The following GPHN variants were observed in gnomAD, a reference collection of about 807,000 sequenced individuals.
The protein encoded by GPHN is gephyrin.
GPHN carries 17 observed loss-of-function variants against 95.5 expected under a neutral mutation model. The observed-to-expected ratio is 0.18, with a 90% CI of 0.12 to 0.27. The LOEUF (loss-of-function observed/expected upper bound fraction) is 0.27, where lower values mean the gene tolerates loss of function less well. Among genes scored for constraint, GPHN ranks in the 10% least tolerant of loss-of-function variants. The pLI, the probability that GPHN is intolerant of heterozygous loss-of-function variation, is 1.00. For synonymous variants in GPHN, 320 were observed against 322.5 expected (o/e 0.99, Z 0.08); for missense variants, 660 against 978.1 (o/e 0.67, Z 4.34).
chr14:66,914,453 A>G (rs1390714488), intron 5 of GPHN, among the ~76,000 whole-genome samples: 1 of 152,170 alleles, frequency 6.6e-6, no homozygotes, highest in African/African-American at 2.4e-5. Flanking sequence ...TAAAATTACA[A>G]AAATCCCAGA....
At chr14:67,425,453 G>T in the GPHN span, among the ~76,000 whole-genome samples, 2 of 151,528 alleles carry the variant, frequency 1.3e-5, no homozygotes, top group African/African-American at 4.8e-5. Flanking sequence ...TGAGGTGTGA[G>T]GATTGCTTGA....
rs532971860 is a variant in GPHN, at chr14:66,525,529, G to A, written c.64+16938G>A. Among the ~76,000 whole-genome samples the A allele has an allele frequency of 1.3e-3, 202 of 152,196 alleles. 1 individual carries two copies. The highest frequency in any genetic ancestry group is 4.5e-3 in the African/African-American group (186 of 41,524). Reference sequence around the variant, plus strand: ...CCATTTGTCAATTTTGGCTTTTGTTGCCATTGCTTTTGGTGTTTTAGACAT... The same window carrying A: ...CCATTTGTCAATTTTGGCTTTTGTTACCATTGCTTTTGGTGTTTTAGACAT... On this transcript the variant is annotated intron_variant, in intron 1 of 22. Coordinates refer to ENST00000478722, the MANE Select transcript of GPHN (RefSeq NM_020806.5).
At chr14:67,687,659 T>A in the GPHN span, among the ~76,000 whole-genome samples, 1 of 151,790 alleles carries the variant, frequency 6.6e-6, no homozygotes. Flanking sequence ...TTAGTAGAGA[T>A]GGGGTTTCTC....
chr14:66,565,256 C>A (rs2060413975), intron 1 of GPHN, among the ~76,000 whole-genome samples: 1 of 151,958 alleles, frequency 6.6e-6, no homozygotes, highest in South Asian at 2.1e-4. Context: ...TCTCTTTTAG[C>A]CAGCAGTGAG....
chr14:67,557,144 T>A, the GPHN span: 2 of 686,218 alleles, frequency 2.9e-6, no homozygotes, highest in Non-Finnish European at 4.9e-6. Flanking sequence ...CAGACTGCCC[T>A]GGGTAAGGGC....
intron 10 of GPHN, among the ~76,000 whole-genome samples, chr14:67,051,343 G>A (rs2075297948): frequency 1.3e-5 from 2 of 152,164 alleles, no homozygotes; most frequent in South Asian, 2.1e-4. Flanking sequence ...GATAGACCAA[G>A]GGAAGGAAGG....
chr14:67,588,494 A>G, the GPHN span: 1 of 152,114 alleles, frequency 6.6e-6, no homozygotes, highest in Non-Finnish European at 1.5e-5. Flanking sequence ...GGTAAAAAAA[A>G]GTTTCTTTCA....
intron 1 of GPHN, among the ~76,000 whole-genome samples, chr14:66,616,020 G>A (rs2063004382): frequency 6.6e-6 from 1 of 151,916 alleles, no homozygotes; most frequent in Admixed American, 6.6e-5. Flanking sequence ...TTGAAGATCA[G>A]ATGGTTGTAG....
chr14:67,137,870 T>C (rs2080189613), intron 17 of GPHN, among the ~76,000 whole-genome samples: 1 of 152,210 alleles, frequency 6.6e-6, no homozygotes, highest in Non-Finnish European at 1.5e-5. Flanking sequence ...GATATCATGA[T>C]ATCCCTTTAA....
the GPHN span, among the ~76,000 whole-genome samples, chr14:67,188,720 C>T: frequency 1.4e-4 from 22 of 152,262 alleles, no homozygotes; most frequent in African/African-American, 4.8e-4. Flanking sequence ...TGAACCACCA[C>T]CAGAGCCTAA....
the GPHN span, among the ~76,000 whole-genome samples, chr14:67,503,709 T>C: frequency 6.6e-6 from 1 of 152,034 alleles, no homozygotes; most frequent in South Asian, 2.1e-4. Flanking sequence ...TTATTTTTTA[T>C]TTATTTATTT....
the GPHN span, among the ~76,000 whole-genome samples, chr14:67,491,247 T>C: frequency 1.1e-4 from 16 of 152,278 alleles, no homozygotes; most frequent in East Asian, 3.9e-4. Flanking sequence ...GGGTGACGTA[T>C]TGGGGGGTCA....
chr14:67,502,122 C>T, the GPHN span, among the ~76,000 whole-genome samples: 24 of 152,046 alleles, frequency 1.6e-4, no homozygotes, highest in Admixed American at 1.4e-3. Context: ...CACCTGAGGT[C>T]GGGAGTTTGA....
chr14:66,720,415 G>T (rs1273080291), intron 2 of GPHN, among the ~76,000 whole-genome samples: 2 of 152,126 alleles, frequency 1.3e-5, no homozygotes, highest in Non-Finnish European at 2.9e-5. Context: ...TTTGCTGGGG[G>T]TGGTTGTGCA....
chr14:66,874,230 ACACAGAAACCC>A (rs2063559798), intron 4 of GPHN, among the ~76,000 whole-genome samples: 1 of 152,232 alleles, frequency 6.6e-6, no homozygotes, highest in Non-Finnish European at 1.5e-5. Flanking sequence ...AAGGATTTCC[ACACAGAAACCC>A]CATCCAAAGG....
At chr14:66,776,838 G>T (rs1019210257) in intron 3 of GPHN, among the ~76,000 whole-genome samples, 1 of 151,676 alleles carries the variant, frequency 6.6e-6, no homozygotes, top group Non-Finnish European at 1.5e-5. Context: ...TTATCTTGTT[G>T]CAATTTCTTT....
intron 5 of GPHN, among the ~76,000 whole-genome samples, chr14:66,884,273 T>C (rs995107972): frequency 4.6e-5 from 7 of 152,042 alleles, no homozygotes; most frequent in African/African-American, 1.7e-4. Context: ...GTTATTCAAG[T>C]TCTGACTTCA....
At chr14:67,413,639 C>T in the GPHN span, among the ~76,000 whole-genome samples, 1 of 152,152 alleles carries the variant, frequency 6.6e-6, no homozygotes, top group Admixed American at 6.5e-5. Flanking sequence ...TATTACATCC[C>T]CCCAACCCCA....
the GPHN span, chr14:67,376,538 A>C: frequency 1.2e-6 from 2 of 1,614,124 alleles, no homozygotes; most frequent in Non-Finnish European, 1.7e-6. Flanking sequence ...CTTTGATGAC[A>C]AGTACAAGAG....
Sources: gnomAD v4.1 joint callset for allele counts (sites outside exome capture counted in the v4.1 genomes callset) on GRCh38, gnomAD v4.1.1 for gene constraint, MANE v1.5 for transcripts, NCBI Gene and HGNC (gene_info 2026-07-23, HGNC 2026-07-21) for gene names.